The following GMEB2 variants were observed in gnomAD, a reference collection of about 807,000 sequenced individuals.
GMEB2 encodes glucocorticoid modulatory element-binding protein 2.
A neutral mutation model predicts 45.7 loss-of-function variants in GMEB2; 7 were observed. The observed-to-expected ratio is 0.15, with a 90% CI of 0.09 to 0.29. GMEB2 has a LOEUF of 0.29. Ranked by LOEUF, GMEB2 falls within the 10% of genes least tolerant of loss-of-function variation. The pLI, the probability that GMEB2 is intolerant of heterozygous loss-of-function variation, is 1.00. For synonymous variants in GMEB2, 322 were observed against 323.6 expected, an observed-to-expected ratio of 1.00 and a Z score of 0.05; for missense variants, 582 against 739.2, an observed-to-expected ratio of 0.79 and a Z score of 2.47.
chr20:63,598,297 C>T (rs2083214763), intron 4 of GMEB2, among the ~76,000 whole-genome samples: 2 of 152,002 alleles, frequency 1.3e-5, no homozygotes, highest in Admixed American at 6.6e-5. Context: ...TCCCTCCTGA[C>T]ACCACCTTGC....
Position 63,589,920 on chromosome 20 carries a change from C to A in GMEB2, c.*169G>T. The A allele has an allele frequency of 2.0e-6, 1 of 494,168 alleles. No homozygotes were observed. Among genetic ancestry groups the A allele is most frequent in the Non-Finnish European group, 3.5e-6 (1 of 288,552 alleles). 30.6% of individuals were successfully genotyped at this position (494,168 alleles called of 1,614,324 possible). On this transcript the variant is annotated 3_prime_UTR_variant, in exon 10 of 10. Transcript: ENST00000370077. The stretch of plus-strand genomic sequence containing the variant: ...GATTTTCCAGGTTGCTCTCGCTGTT[C>A]TGTCCCCTTCTCTCTTCTCGTGATT...
In GMEB2 at chr20:63,592,718, C is replaced by T. The variant is rs1324893781; in HGVS notation, c.692-48G>A. 9.2e-6 allele frequency: 14 copies of T among 1,527,566 alleles called. No individual in the cohort carries two copies. Among genetic ancestry groups the T allele is most frequent in the East Asian group, 4.5e-5 (2 of 44,480 alleles). 94.6% of individuals were successfully genotyped at this position (1,527,566 alleles called of 1,614,324 possible). On this transcript the variant is annotated intron_variant, in intron 7 of 9. Coordinates refer to ENST00000370077, the MANE Select transcript of GMEB2 (RefSeq NM_012384.5). The surrounding 1 kb of genome is among the most constrained non-coding windows in gnomAD (Gnocchi z 8.2). ...AGTGGGCAGGGAAAGTGCTGCTACA[C>T]GGGGCAGCCACCACAGCCACAAGGA...
intron 1 of GMEB2, among the ~76,000 whole-genome samples, chr20:63,624,757 G>C (rs2089659971): frequency 6.6e-6 from 1 of 152,196 alleles, no homozygotes; most frequent in South Asian, 2.1e-4. Flanking sequence ...GCCCAGGTTG[G>C]ACTGCAGTGG....
chr20:63,595,127 C>T lies in GMEB2; in HGVS notation c.619+483G>A, dbSNP rs537871173. 1.8e-4 allele frequency among the ~76,000 whole-genome samples: 28 copies of T among 152,346 alleles called. No individual in the cohort carries two copies. In the South Asian group the frequency reaches 2.5e-3, roughly 14 times the overall value. On this transcript the variant is annotated intron_variant, in intron 6 of 9. Transcript: ENST00000370077. ...CACAGTTTAGAGCTACAGACACCAA[C>T]GTGGAACAGTATCTAAAGCGTCACC...
chr20:63,605,522 A>G (rs2089511701), intron 2 of GMEB2, among the ~76,000 whole-genome samples: 1 of 104,038 alleles, frequency 9.6e-6, no homozygotes, highest in African/African-American at 3.2e-5. Flanking sequence ...GATGCCGTCA[A>G]AATTAAAAAA....
intron 4 of GMEB2, 66 bp downstream of exon 4, chr20:63,602,899 A>T: frequency 6.8e-7 from 1 of 1,471,078 alleles, no homozygotes; most frequent in Non-Finnish European, 9.4e-7. Context: ...GCACAGCTGC[A>T]CCCCCAAAGC....
At chr20:63,612,049 CTG>C (rs1359111076) in intron 2 of GMEB2, among the ~76,000 whole-genome samples, 2 of 152,184 alleles carry the variant, frequency 1.3e-5, no homozygotes, top group Non-Finnish European at 2.9e-5. Flanking sequence ...GAACGAGACT[CTG>C]TTTCGAAAAA....
Position 63,593,179 on chromosome 20 carries a change from T to C in GMEB2, c.620-97A>G. 2.7e-6 allele frequency: 2 copies of C among 734,296 alleles called. No individual in the cohort carries two copies. Among genetic ancestry groups the C allele is most frequent in the Non-Finnish European group, 4.9e-6 (2 of 405,174 alleles). The allele number at this position is 734,296 out of a possible 1,614,324, so 45.5% of individuals were successfully genotyped here. A position where few individuals can be genotyped will look rare whatever the true frequency, so the allele number is the denominator to read the frequency against. ...CCTCCTCACACCACCTTCTGAACCTTTCCATCTGTCTTCACAAAACTGACA... is the reference window on the plus strand; with the variant it reads ...CCTCCTCACACCACCTTCTGAACCTCTCCATCTGTCTTCACAAAACTGACA... On this transcript the variant is annotated intron_variant, in intron 6 of 9. Coordinates refer to ENST00000370077, the MANE Select transcript of GMEB2 (RefSeq NM_012384.5). This position sits in a 1 kb window ranked among gnomAD's most constrained non-coding sequence, Gnocchi z 4.7.
chr20:63,619,521 A>G lies in GMEB2; in HGVS notation c.-57-67T>C. The G allele has an allele frequency of 1.1e-6, 1 of 941,118 alleles. No individual in the cohort carries two copies. The highest frequency in any genetic ancestry group is 1.6e-6 in the Non-Finnish European group (1 of 644,512). The allele number at this position is 941,118 out of a possible 1,614,324, so 58.3% of individuals were successfully genotyped here. On this transcript the variant is annotated intron_variant, in intron 1 of 9. Transcript: ENST00000370077. The surrounding 1 kb of genome is among the most constrained non-coding windows in gnomAD (Gnocchi z 4.6). ...ACATCCACACAACATAGCACTCACA[A>G]AGGCATCTCTAATCAGCTCCAAAGA...
At chr20:63,611,880 C>T (rs2089573454) in intron 2 of GMEB2, among the ~76,000 whole-genome samples, 1 of 151,592 alleles carries the variant, frequency 6.6e-6, no homozygotes, top group African/African-American at 2.4e-5. Flanking sequence ...GCCTGCAGTC[C>T]CAGCACTGTA....
intron 4 of GMEB2, among the ~76,000 whole-genome samples, chr20:63,601,854 C>T (rs1290734011): frequency 4.6e-4 from 49 of 105,726 alleles, no homozygotes; most frequent in Middle Eastern, 7.5e-3. Context: ...CCTGTGGCTT[C>T]CGTGGGGCCT....
In GMEB2 at chr20:63,590,052, A is replaced by T. The variant is rs112328838; in HGVS notation, c.*37T>A. The T allele has an allele frequency of 6.0e-4, 897 of 1,483,558 alleles. 10 individuals carry two copies. The African/African-American group carries it at 0.011, about 18-fold the overall frequency. The allele number at this position is 1,483,558 out of a possible 1,614,324, so 91.9% of individuals were successfully genotyped here. ...CTGCTGCCGCGGCTGAGAGACAGCC[A>T]GCCCTGTCCGTCCCAGGGGCCTCGC... is the stretch of plus-strand genomic sequence containing the variant. On this transcript the variant is annotated 3_prime_UTR_variant, in exon 10 of 10. Coordinates refer to ENST00000370077, the MANE Select transcript of GMEB2 (RefSeq NM_012384.5).
In GMEB2 at chr20:63,589,273, G is replaced by A. The variant is rs1461257230; in HGVS notation, c.*816C>T. On this transcript the variant is annotated 3_prime_UTR_variant, in exon 10 of 10. Transcript: ENST00000370077. The stretch of plus-strand genomic sequence containing the variant: ...CGCACCCGGTCAAGTGCACTCACAG[G>A]GGCTCAGGGGCCACCCAAAGAGCTA... 1.3e-5 allele frequency: 5 copies of A among 398,498 alleles called. No homozygotes were observed. The Admixed American group carries it at 2.2e-4, about 18-fold the overall frequency. 24.7% of individuals were successfully genotyped at this position (398,498 alleles called of 1,614,324 possible).
chr20:63,613,055 G>A (rs938182140), intron 2 of GMEB2, among the ~76,000 whole-genome samples: 79 of 151,466 alleles, frequency 5.2e-4, no homozygotes, highest in African/African-American at 1.8e-3. Flanking sequence ...TCTGCCCCCC[G>A]GATTCACGCC....
chr20:63,602,536 C>T (rs1308893203), intron 4 of GMEB2, among the ~76,000 whole-genome samples: 1 of 152,216 alleles, frequency 6.6e-6, no homozygotes, highest in Non-Finnish European at 1.5e-5. Context: ...TTTCTTAGCC[C>T]GTGTGAGGCA....
Position 63,590,199 on chromosome 20 carries a change from G to T in GMEB2, c.1483C>A (p.Pro495Thr). Residue 495 changes from proline (P) to threonine (T), a missense_variant, in exon 10 of 10, where the codon CCT becomes ACT. Pro to Thr is a conservative substitution (Grantham distance 38, BLOSUM62 -1). Transcript: ENST00000370077. The part of the protein sequence containing the change: ...PTLQNVAQAS[P>T]GSSTIVTVPA... Reference sequence around the variant, plus strand: ...ACTGTCACAATTGTGCTGGAGCCAGGCGAGGCCTGGGCCACGTTCTGCAGG... The same window carrying T: ...ACTGTCACAATTGTGCTGGAGCCAGTCGAGGCCTGGGCCACGTTCTGCAGG... 1 of 1,606,806 alleles carries T rather than the reference G, an allele frequency of 6.2e-7. No homozygotes were observed.
At chr20:63,596,791 G>A (rs1233578818) in intron 5 of GMEB2, among the ~76,000 whole-genome samples, 2 of 152,230 alleles carry the variant, frequency 1.3e-5, no homozygotes, top group African/African-American at 2.4e-5. Context: ...GCTGAGGCAG[G>A]TCAATCACCT....
chr20:63,604,147 C>T (rs1481044639), intron 3 of GMEB2, among the ~76,000 whole-genome samples: 1 of 142,462 alleles, frequency 7.0e-6, no homozygotes, highest in African/African-American at 2.6e-5. Context: ...TGGAGGATCA[C>T]ATGAGGCCAG....
At chr20:63,598,214 T>C (rs1197158056) in intron 4 of GMEB2, among the ~76,000 whole-genome samples, 1 of 152,196 alleles carries the variant, frequency 6.6e-6, no homozygotes, top group African/African-American at 2.4e-5. Context: ...ATACACGTTA[T>C]TGCATACGTT....
Sources: gnomAD v4.1 joint callset for allele counts (sites outside exome capture counted in the v4.1 genomes callset) on GRCh38, gnomAD v4.1.1 for gene constraint, Gnocchi (gnomAD v3.1) non-coding constraint, MANE v1.5 for transcripts, NCBI Gene and HGNC (gene_info 2026-07-23, HGNC 2026-07-21) for gene names.